The following CCR3 variants were observed in gnomAD, a reference collection of about 807,000 sequenced individuals.
CCR3 encodes the protein C-C chemokine receptor type 3.
For synonymous variants in CCR3, 203 were observed against 179.2 expected (o/e 1.13, Z -1.06); for missense variants, 419 against 437.5 (o/e 0.96, Z 0.38).
chr3:46,212,704 C>T (rs1699729905), intron 2 of CCR3, among the ~76,000 whole-genome samples: 2 of 152,080 alleles, frequency 1.3e-5, no homozygotes, highest in Admixed American at 1.3e-4. Flanking sequence ...ACTTCTTTGC[C>T]CCCTCTCTCC....
upstream of CCR3, among the ~76,000 whole-genome samples, chr3:46,239,419 T>C (rs972361576): frequency 3.9e-5 from 6 of 152,342 alleles, no homozygotes; most frequent in African/African-American, 1.2e-4. Context: ...TGATTATTTA[T>C]CAAGCTCCTA....
At chr3:46,252,824 C>T (rs943386991) in intron 1 of CCR3, among the ~76,000 whole-genome samples, 1 of 152,068 alleles carries the variant, frequency 6.6e-6, no homozygotes, top group Non-Finnish European at 1.5e-5. Context: ...TTCTAAAGAA[C>T]TTGCAACTAA....
rs1301428676 is a variant in CCR3 at position 46,265,188 on chromosome 3, C to A, written c.30C>A (p.Thr10=). ...CAACCTCACTAGATACAGTTGAGAC[C>A]TTTGGTACCACATCCTACTATGATG... MTTSLDTVE[T]FGTTSYYDDV... The change falls in exon 2 of 2, where the codon ACC becomes ACA. Residue 10 remains threonine (T), a synonymous_variant. Coordinates refer to ENST00000395940, the MANE Select transcript of CCR3 (RefSeq NM_178329.3). The A allele has an allele frequency of 6.2e-7, 1 of 1,613,622 alleles. No individual in the cohort carries two copies. Among genetic ancestry groups the A allele is most frequent in the Non-Finnish European group, 8.5e-7 (1 of 1,179,810 alleles).
chr3:46,222,387 C>G (rs924070099), intron 2 of CCR3, among the ~76,000 whole-genome samples: 2 of 152,168 alleles, frequency 1.3e-5, no homozygotes, highest in East Asian at 3.9e-4. Flanking sequence ...GCGTTACTTT[C>G]TCTTATTTAA....
At chr3:46,234,467 A>T (rs1197366916) in intron 2 of CCR3, among the ~76,000 whole-genome samples, 6 of 152,158 alleles carry the variant, frequency 3.9e-5, no homozygotes, top group Non-Finnish European at 8.8e-5. Flanking sequence ...ACCCTTTCAG[A>T]GTCCACTTGG....
intron 2 of CCR3, among the ~76,000 whole-genome samples, chr3:46,215,102 T>C (rs1699759253): frequency 6.6e-6 from 1 of 152,162 alleles, no homozygotes; most frequent in Non-Finnish European, 1.5e-5. Context: ...AATGAAGAGC[T>C]GATAATGATC....
chr3:46,248,915 C>G (rs1575501711), intron 1 of CCR3, among the ~76,000 whole-genome samples: 2 of 152,228 alleles, frequency 1.3e-5, no homozygotes, highest in African/African-American at 4.8e-5. Flanking sequence ...TCTGAACTAA[C>G]TTGTAAGGCT....
At chr3:46,248,336 T>C (rs1700238290) in intron 1 of CCR3, among the ~76,000 whole-genome samples, 1 of 151,980 alleles carries the variant, frequency 6.6e-6, no homozygotes. Context: ...AGAGAGTGAG[T>C]TGAGCATAGT....
At chr3:46,238,641 T>C (rs1412977501), upstream of CCR3, among the ~76,000 whole-genome samples, 1 of 152,180 alleles carries the variant, frequency 6.6e-6, no homozygotes. Flanking sequence ...TGCGTGGAAG[T>C]GTTCAAGTCC....
chr3:46,265,861 T>C lies in CCR3; in HGVS notation c.703T>C (p.Tyr235His). ...GCTGAGGTGCCCCAGTAAAAAAAAG[T>C]ACAAGGCCATCCGGCTCATTTTTGT... is the stretch of plus-strand genomic sequence containing the variant. The part of the protein sequence containing the change: ...TLLRCPSKKK[Y>H]KAIRLIFVIM... Residue 235 changes from tyrosine (Y) to histidine (H), a missense_variant, in exon 2 of 2, where the codon TAC becomes CAC. Transcript: ENST00000395940. 4 of 1,614,080 alleles carry C rather than the reference T, an allele frequency of 2.5e-6. No individual in the cohort carries two copies. Among genetic ancestry groups the C allele is most frequent in the Non-Finnish European group, 3.4e-6 (4 of 1,179,984 alleles).
intron 2 of CCR3, among the ~76,000 whole-genome samples, chr3:46,233,219 A>T (rs1412359449): frequency 6.6e-6 from 1 of 152,182 alleles, no homozygotes; most frequent in Non-Finnish European, 1.5e-5. Context: ...AACGTGCTAG[A>T]GAGGGGCCCT....
chr3:46,253,212 T>C (rs1466968041), intron 1 of CCR3, among the ~76,000 whole-genome samples: 1 of 152,166 alleles, frequency 6.6e-6, no homozygotes, highest in Admixed American at 6.6e-5. Context: ...AGCCTCTGAG[T>C]GAATTCCTCC....
At chr3:46,222,759 T>A (rs1699851586) in intron 2 of CCR3, among the ~76,000 whole-genome samples, 1 of 152,172 alleles carries the variant, frequency 6.6e-6, no homozygotes, top group East Asian at 1.9e-4. Flanking sequence ...TCCCCACGTT[T>A]AAAATAGTGA....
At chr3:46,226,975 G>A (rs149486479) in intron 2 of CCR3, among the ~76,000 whole-genome samples, 2,088 of 152,088 alleles carry the variant, frequency 0.014, 35 homozygotes, top group African/African-American at 0.047. Flanking sequence ...AGGTTCAAGC[G>A]ATTCTCATGC....
intron 1 of CCR3, among the ~76,000 whole-genome samples, chr3:46,244,984 CAT>C (rs1700163669): frequency 6.6e-6 from 1 of 152,302 alleles, no homozygotes. Context: ...CTTGTGAAAA[CAT>C]ATTCTTCATG....
Position 46,265,847 on chromosome 3 carries a change from C to G in CCR3, c.689C>G (p.Pro230Arg), listed in dbSNP as rs201105477. The change falls in exon 2 of 2, where the codon CCC becomes CGC. Residue 230 changes from proline (P) to arginine (R), a missense_variant. Transcript: ENST00000395940. ...TGIIKTLLRC[P>R]SKKKYKAIRL... ...ATCATCAAAACGCTGCTGAGGTGCC[C>G]CAGTAAAAAAAAGTACAAGGCCATC... 2.5e-6 allele frequency: 4 copies of G among 1,613,884 alleles called. No individual in the cohort carries two copies. The African/African-American group carries it at 5.3e-5, about 22-fold the overall frequency.
At chr3:46,243,213 CA>C (rs1288885273) in intron 1 of CCR3, among the ~76,000 whole-genome samples, 13 of 151,976 alleles carry the variant, frequency 8.6e-5, no homozygotes, top group Non-Finnish European at 1.3e-4. Flanking sequence ...ACAACGCATA[CA>C]GAGCGCTTCA....
chr3:46,236,951 T>C (rs1700031564), intron 2 of CCR3, among the ~76,000 whole-genome samples: 1 of 152,184 alleles, frequency 6.6e-6, no homozygotes, highest in Non-Finnish European at 1.5e-5. Flanking sequence ...TCTCAGTCAA[T>C]TCAAATTACC....
intron 1 of CCR3, among the ~76,000 whole-genome samples, chr3:46,258,180 C>G (rs1483916299): frequency 6.6e-6 from 1 of 152,226 alleles, no homozygotes; most frequent in African/African-American, 2.4e-5. Context: ...TATTCCTTTA[C>G]TCAGTCATGT....
Sources: allele counts gnomAD v4.1 joint callset (sites outside exome capture counted in the v4.1 genomes callset), GRCh38; gene constraint gnomAD v4.1.1; transcripts MANE v1.5; gene names NCBI Gene and HGNC (gene_info 2026-07-23, HGNC 2026-07-21).